HYCC1: variants seen among roughly 807,000 people sequenced by gnomAD.
The protein encoded by HYCC1 is hyccin PI4KA lipid kinase complex subunit 1.
the HYCC1 span, among the ~76,000 whole-genome samples, chr7:22,914,319 C>T: frequency 6.6e-6 from 1 of 152,212 alleles, no homozygotes; most frequent in South Asian, 2.1e-4. Flanking sequence ...GCTCACCACC[C>T]CCCTTCTCCG....
the HYCC1 span, among the ~76,000 whole-genome samples, chr7:22,901,904 A>G: frequency 6.6e-6 from 1 of 152,202 alleles, no homozygotes; most frequent in Non-Finnish European, 1.5e-5. Context: ...AGTAGATTTG[A>G]ATAATACTAT....
At chr7:22,896,663 A>G in the HYCC1 span, among the ~76,000 whole-genome samples, 2 of 152,220 alleles carry the variant, frequency 1.3e-5, no homozygotes, top group African/African-American at 4.8e-5. Flanking sequence ...TCCCTGGCAG[A>G]GAGGAGAAAG....
At chr7:22,897,442 A>G in the HYCC1 span, among the ~76,000 whole-genome samples, 9 of 152,200 alleles carry the variant, frequency 5.9e-5, no homozygotes, top group Non-Finnish European at 1.2e-4. Context: ...CATGGAAGCA[A>G]TAAGACCAGA....
At chr7:22,946,020 T>C in the HYCC1 span, 9 of 1,613,698 alleles carry the variant, frequency 5.6e-6, no homozygotes, top group African/African-American at 4.0e-5. Context: ...CTGTGGTTCT[T>C]TCCTATACTT....
At chr7:22,980,596 A>G in the HYCC1 span, among the ~76,000 whole-genome samples, 1 of 152,236 alleles carries the variant, frequency 6.6e-6, no homozygotes, top group Admixed American at 6.5e-5. Context: ...ATGACTAAGC[A>G]GGAAAAGAGT....
At chr7:23,002,842 A>G in the HYCC1 span, among the ~76,000 whole-genome samples, 1 of 152,162 alleles carries the variant, frequency 6.6e-6, no homozygotes, top group African/African-American at 2.4e-5. Flanking sequence ...TCTCTAGGCT[A>G]GGAGTCTAAG....
the HYCC1 span, chr7:22,947,342 C>T: frequency 2.0e-6 from 2 of 1,004,112 alleles, no homozygotes; most frequent in Non-Finnish European, 2.9e-6. Flanking sequence ...AATTAGATGA[C>T]TGAATGTTAT....
the HYCC1 span, among the ~76,000 whole-genome samples, chr7:23,007,364 G>A: frequency 6.6e-6 from 1 of 152,118 alleles, no homozygotes; most frequent in African/African-American, 2.4e-5. Context: ...GTGGACGACT[G>A]TCTTAACCTC....
chr7:22,906,085 T>A, the HYCC1 span, among the ~76,000 whole-genome samples: 1 of 152,128 alleles, frequency 6.6e-6, no homozygotes, highest in Non-Finnish European at 1.5e-5. Context: ...ATGATGATGA[T>A]GATTAGTAGT....
chr7:22,897,709 C>A, the HYCC1 span, among the ~76,000 whole-genome samples: 2 of 151,992 alleles, frequency 1.3e-5, no homozygotes, highest in African/African-American at 4.8e-5. Flanking sequence ...TGGGCTCAAG[C>A]GACCCTCACA....
At chr7:23,002,164 A>ATACACACAAT in the HYCC1 span, among the ~76,000 whole-genome samples, 2 of 26,138 alleles carry the variant, frequency 7.7e-5, no homozygotes, top group African/African-American at 2.0e-4. Flanking sequence ...ATATATATAT[A>ATACACACAAT]TATATATATA....
the HYCC1 span, among the ~76,000 whole-genome samples, chr7:23,013,366 C>G: frequency 6.6e-6 from 1 of 152,244 alleles, no homozygotes; most frequent in Non-Finnish European, 1.5e-5. Context: ...CTCGGGCCAA[C>G]GCTGCTCTCC....
chr7:22,907,580 G>C, the HYCC1 span, among the ~76,000 whole-genome samples: 1 of 152,172 alleles, frequency 6.6e-6, no homozygotes, highest in Non-Finnish European at 1.5e-5. Flanking sequence ...TATTTTGAAG[G>C]ATTCATAGGT....
chr7:22,963,402 G>A, the HYCC1 span, among the ~76,000 whole-genome samples: 7 of 152,070 alleles, frequency 4.6e-5, no homozygotes, highest in African/African-American at 7.2e-5. Context: ...AATAAAACAC[G>A]GTAACAGAGA....
the HYCC1 span, among the ~76,000 whole-genome samples, chr7:22,982,264 G>A: frequency 6.6e-6 from 1 of 152,102 alleles, no homozygotes; most frequent in Non-Finnish European, 1.5e-5. Flanking sequence ...TACAAGTTAA[G>A]AAGCTTTGGG....
At chr7:22,995,458 CAA>C in the HYCC1 span, among the ~76,000 whole-genome samples, 1 of 152,136 alleles carries the variant, frequency 6.6e-6, no homozygotes, top group African/African-American at 2.4e-5. Context: ...ATCCTACGAT[CAA>C]AGTCTATGAT....
At chr7:22,911,975 T>C in the HYCC1 span, among the ~76,000 whole-genome samples, 10 of 152,304 alleles carry the variant, frequency 6.6e-5, no homozygotes, top group African/African-American at 2.2e-4. Context: ...CATAAAAATA[T>C]ATTCATTGGC....
At chr7:23,011,749 G>A in the HYCC1 span, among the ~76,000 whole-genome samples, 6 of 152,130 alleles carry the variant, frequency 3.9e-5, no homozygotes, top group Non-Finnish European at 7.4e-5. Flanking sequence ...ACTCGTCATT[G>A]TCAATGACTT....
the HYCC1 span, among the ~76,000 whole-genome samples, chr7:22,933,378 T>C: frequency 6.6e-6 from 1 of 152,232 alleles, no homozygotes; most frequent in Admixed American, 6.5e-5. Context: ...AATTGTTATA[T>C]TTTTGTGATA....
Sources: allele counts gnomAD v4.1 joint callset (sites outside exome capture counted in the v4.1 genomes callset), GRCh38; gene constraint gnomAD v4.1.1; transcripts MANE v1.5; gene names NCBI Gene and HGNC (gene_info 2026-07-23, HGNC 2026-07-21).